KHDRBS2: variants seen among roughly 807,000 people sequenced by gnomAD.
KHDRBS2 encodes the protein KH RNA binding domain containing, signal transduction associated 2.
A neutral mutation model predicts 44.3 loss-of-function variants in KHDRBS2; 26 were observed. The ratio of observed to expected loss-of-function variants is 0.59; its 90% CI spans 0.43 to 0.81. KHDRBS2 has a LOEUF of 0.81. Among genes scored for constraint, KHDRBS2 ranks in the 40% least tolerant of loss-of-function variants. The pLI, the probability that KHDRBS2 is intolerant of heterozygous loss-of-function variation, is 0.00. For missense variants in KHDRBS2, 476 were observed against 433.1 expected, an observed-to-expected ratio of 1.10 and a Z score of -0.88; for synonymous variants, 194 against 151.1, an observed-to-expected ratio of 1.28 and a Z score of -2.08.
At chr6:61,738,644 C>A (rs1775732927) in intron 6 of KHDRBS2, among the ~76,000 whole-genome samples, 1 of 151,736 alleles carries the variant, frequency 6.6e-6, no homozygotes, top group East Asian at 1.9e-4. Flanking sequence ...TTGGGCAAAG[C>A]AACATACAGG....
At chr6:62,232,486 G>A (rs1833041930) in intron 1 of KHDRBS2, among the ~76,000 whole-genome samples, 1 of 151,848 alleles carries the variant, frequency 6.6e-6, no homozygotes, top group South Asian at 2.1e-4. Context: ...TTCAAAACAG[G>A]AAAAGATACC....
At chr6:61,778,854 C>G (rs1314558070) in intron 6 of KHDRBS2, among the ~76,000 whole-genome samples, 1 of 152,176 alleles carries the variant, frequency 6.6e-6, no homozygotes, top group African/African-American at 2.4e-5. Context: ...GTCTTGATTT[C>G]AGACGCTTAG....
At chr6:61,664,562 T>C in the KHDRBS2 span, among the ~76,000 whole-genome samples, 1 of 151,718 alleles carries the variant, frequency 6.6e-6, no homozygotes, top group Non-Finnish European at 1.5e-5. Context: ...ACTGTAGCCA[T>C]CTTCTCCTTC....
the KHDRBS2 span, among the ~76,000 whole-genome samples, chr6:61,641,169 G>A: frequency 6.6e-6 from 1 of 152,096 alleles, no homozygotes; most frequent in Non-Finnish European, 1.5e-5. Flanking sequence ...ACTTCAGTAA[G>A]TTCTGTATCA....
chr6:62,024,511 T>A (rs1428552928), intron 3 of KHDRBS2, among the ~76,000 whole-genome samples: 2 of 151,644 alleles, frequency 1.3e-5, no homozygotes, highest in Non-Finnish European at 3.0e-5. Flanking sequence ...AGTGATAAAT[T>A]TTAAATTAAA....
rs934970453 is a variant in KHDRBS2, at chr6:61,955,634, A to G, written c.483+22432T>C. On this transcript the variant is annotated intron_variant, in intron 4 of 8. Coordinates refer to ENST00000281156, the MANE Select transcript of KHDRBS2 (RefSeq NM_152688.4). ...CGTATGTATGTATGCATACATGTGT[A>G]TATACACGTATGTATGTATGCATAT... Among the ~76,000 whole-genome samples, 11 of 136,714 alleles carry G rather than the reference A, an allele frequency of 8.0e-5. 1 individual carries two copies. Among genetic ancestry groups the G allele is most frequent in the Non-Finnish European group, 1.3e-4 (8 of 63,402 alleles). 89.7% of individuals were successfully genotyped at this position (136,714 alleles called of 152,430 possible).
At chr6:62,152,350 C>T (rs1180146617) in intron 2 of KHDRBS2, among the ~76,000 whole-genome samples, 1 of 152,008 alleles carries the variant, frequency 6.6e-6, no homozygotes, top group Non-Finnish European at 1.5e-5. Flanking sequence ...CAAAAAAATA[C>T]TTACCACATG....
chr6:62,109,500 T>C (rs984457968), intron 2 of KHDRBS2, among the ~76,000 whole-genome samples: 1 of 151,858 alleles, frequency 6.6e-6, no homozygotes, highest in Non-Finnish European at 1.5e-5. Context: ...GGTTAGAAAA[T>C]AAGTCTTTAT....
At chr6:61,652,984 G>T in the KHDRBS2 span, among the ~76,000 whole-genome samples, 1 of 152,062 alleles carries the variant, frequency 6.6e-6, no homozygotes, top group Non-Finnish European at 1.5e-5. Flanking sequence ...AAATGACACC[G>T]GAGGCAATGG....
intron 6 of KHDRBS2, among the ~76,000 whole-genome samples, chr6:61,770,123 G>A (rs532730317): frequency 2.6e-5 from 4 of 152,194 alleles, no homozygotes; most frequent in Non-Finnish European, 5.9e-5. Flanking sequence ...GCAGCTGAGG[G>A]TCCTGTCTGT....
chr6:62,120,441 C>G (rs1018281329), intron 2 of KHDRBS2, among the ~76,000 whole-genome samples: 2 of 152,120 alleles, frequency 1.3e-5, no homozygotes, highest in African/African-American at 4.8e-5. Context: ...TACAGTGGAA[C>G]CACAGTCACT....
chr6:62,164,243 A>G (rs1562982186), intron 2 of KHDRBS2, among the ~76,000 whole-genome samples: 1 of 151,924 alleles, frequency 6.6e-6, no homozygotes, highest in East Asian at 1.9e-4. Context: ...AGTTCCTATG[A>G]GAGTTTATAT....
intron 4 of KHDRBS2, among the ~76,000 whole-genome samples, chr6:61,954,959 T>TATATATACACATACATATGTGTGCATAC (rs1562515193): frequency 2.4e-4 from 34 of 139,446 alleles, no homozygotes; most frequent in African/African-American, 8.5e-4. Flanking sequence ...CATATATATG[T>TATATATACACATACATATGTGTGCATAC]ATATATACGC....
intron 1 of KHDRBS2, among the ~76,000 whole-genome samples, chr6:62,198,759 C>A (rs1030852119): frequency 3.3e-5 from 5 of 152,094 alleles, no homozygotes; most frequent in East Asian, 3.9e-4. Flanking sequence ...ATCCTGATAC[C>A]AAAGCCTGGC....
intron 2 of KHDRBS2, among the ~76,000 whole-genome samples, chr6:62,102,096 T>G (rs1429651009): frequency 6.6e-6 from 1 of 152,220 alleles, no homozygotes; most frequent in Non-Finnish European, 1.5e-5. Flanking sequence ...TTTCTATGTT[T>G]ATTTTTCCAT....
intron 7 of KHDRBS2, among the ~76,000 whole-genome samples, chr6:61,719,831 G>C (rs951593891): frequency 1.3e-5 from 2 of 151,866 alleles, no homozygotes; most frequent in East Asian, 1.9e-4. Context: ...ATAATGTGCA[G>C]GTTAGTTACA....
chr6:62,285,935 T>G lies in KHDRBS2; in HGVS notation c.14A>C (p.Lys5Thr), dbSNP rs1842433229. 6.2e-7 allele frequency: 1 copy of G among 1,611,288 alleles called. No individual in the cohort carries two copies. The highest frequency in any genetic ancestry group is 1.1e-5 in the South Asian group (1 of 90,922). ...CTCTGCCATCAGCTCAGGCAAATAT[T>G]TCTCCTCTTCCATAGCGCGGACTTC... Reference protein sequence around the residue: MEEEKYLPELMAEKD... With the variant: MEEETYLPELMAEKD... The change falls in exon 1 of 9, where the codon AAA (lysine) becomes ACA (threonine). Residue 5 changes from lysine to threonine, a missense_variant. Lys to Thr is a moderately conservative substitution (Grantham distance 78). Transcript: ENST00000281156.
At chr6:61,783,256 TC>T (rs1282584069) in intron 6 of KHDRBS2, among the ~76,000 whole-genome samples, 1 of 152,152 alleles carries the variant, frequency 6.6e-6, no homozygotes, top group Non-Finnish European at 1.5e-5. Context: ...CACAGACCGC[TC>T]CTTCTCCTAG....
intron 2 of KHDRBS2, among the ~76,000 whole-genome samples, chr6:62,073,088 G>T (rs1795561751): frequency 6.6e-6 from 1 of 151,946 alleles, no homozygotes; most frequent in South Asian, 2.1e-4. Flanking sequence ...ATGTGTCGAG[G>T]AATTTATCCG....
Sources: gnomAD v4.1 joint callset for allele counts (sites outside exome capture counted in the v4.1 genomes callset) on GRCh38, gnomAD v4.1.1 for gene constraint, MANE v1.5 for transcripts, NCBI Gene and HGNC (gene_info 2026-07-23, HGNC 2026-07-21) for gene names.